Variants in BAALC observed in about 807,000 individuals in gnomAD.
BAALC encodes BAALC binder of MAP3K1 and KLF4, also known as brain and acute leukemia cytoplasmic protein.
Under a neutral mutation model 15.5 loss-of-function variants are expected in BAALC, and 9 were observed. The observed-to-expected ratio is 0.58, with a 90% CI of 0.35 to 1.02. BAALC has a LOEUF of 1.02. Ranked by LOEUF, BAALC falls within the 50% of genes least tolerant of loss-of-function variation. The pLI is 0.02. For missense variants in BAALC, 201 were observed against 192.4 expected (o/e 1.04, Z -0.27); for synonymous variants, 80 against 74.6 (o/e 1.07, Z -0.37).
chr8:103,160,372 C>T (rs1289825626), intron 1 of BAALC, among the ~76,000 whole-genome samples: 1 of 152,074 alleles, frequency 6.6e-6, no homozygotes, highest in Non-Finnish European at 1.5e-5. Context: ...AGTCATTTAC[C>T]ACCTATGCCC....
At position 103,193,011 on chromosome 8, in the gene BAALC, G is replaced by C. The variant is rs555964048; in HGVS notation, c.161-19908G>C. Among the ~76,000 whole-genome samples, 7 of 152,312 alleles carry C rather than the reference G, an allele frequency of 4.6e-5. No homozygotes were observed. In the East Asian group the frequency reaches 1.3e-3, roughly 29 times the overall value. ...CTAGCACATCAGAGAGGTGCAGTGA[G>C]TATTTGGTGTAGAACTCCACGATCT... On this transcript the variant is annotated intron_variant, in intron 1 of 2. Coordinates refer to ENST00000309982, the MANE Select transcript of BAALC (RefSeq NM_024812.3).
chr8:103,214,517 T>G (rs1394982029), intron 2 of BAALC, among the ~76,000 whole-genome samples: 2 of 152,238 alleles, frequency 1.3e-5, no homozygotes, highest in Admixed American at 1.3e-4. Flanking sequence ...CCACCTGTTT[T>G]CTGAGAGTAC....
intron 2 of BAALC, among the ~76,000 whole-genome samples, chr8:103,218,919 G>T (rs2130082750): frequency 6.6e-6 from 1 of 152,270 alleles, no homozygotes; most frequent in Non-Finnish European, 1.5e-5. Context: ...ACCAGCCCAG[G>T]ATTTCTCCTG....
chr8:103,227,451 C>T (rs1261445318), intron 2 of BAALC, among the ~76,000 whole-genome samples: 1 of 152,152 alleles, frequency 6.6e-6, no homozygotes, highest in African/African-American at 2.4e-5. Flanking sequence ...AGATCTTTAC[C>T]CTAAAACAGA....
intron 1 of BAALC, among the ~76,000 whole-genome samples, chr8:103,201,290 A>G (rs1231767339): frequency 1.3e-5 from 2 of 152,176 alleles, no homozygotes; most frequent in Non-Finnish European, 2.9e-5. Context: ...GAGGGGCATT[A>G]TGATTCTGAG....
At chr8:103,180,542 G>A (rs1375022259) in intron 1 of BAALC, among the ~76,000 whole-genome samples, 2 of 152,208 alleles carry the variant, frequency 1.3e-5, no homozygotes, top group Non-Finnish European at 2.9e-5. Context: ...TTACAGGAAG[G>A]AGGCTTCCAA....
chr8:103,193,002 G>C (rs1233614649), intron 1 of BAALC, among the ~76,000 whole-genome samples: 1 of 152,144 alleles, frequency 6.6e-6, no homozygotes, highest in Non-Finnish European at 1.5e-5. Context: ...CATCAGAGAG[G>C]TGCAGTGAGT....
At chr8:103,159,815 C>T (rs1811181584) in intron 1 of BAALC, among the ~76,000 whole-genome samples, 1 of 151,922 alleles carries the variant, frequency 6.6e-6, no homozygotes, top group South Asian at 2.1e-4. Context: ...TTGGAATTAC[C>T]GATTTCTCTA....
At chr8:103,181,132 C>T (rs932123801) in intron 1 of BAALC, among the ~76,000 whole-genome samples, 4 of 152,210 alleles carry the variant, frequency 2.6e-5, no homozygotes, top group East Asian at 1.9e-4. Context: ...TATCCCACAA[C>T]GGTTCCTTCC....
chr8:103,180,840 T>G (rs1811710460), intron 1 of BAALC, among the ~76,000 whole-genome samples: 1 of 152,204 alleles, frequency 6.6e-6, no homozygotes, highest in Non-Finnish European at 1.5e-5. Flanking sequence ...CTGCCCAACT[T>G]CTTGAATTCA....
At chr8:103,204,446 A>G (rs1165230325) in intron 1 of BAALC, among the ~76,000 whole-genome samples, 1 of 152,040 alleles carries the variant, frequency 6.6e-6, no homozygotes, top group African/African-American at 2.4e-5. Context: ...TCTATTTTTC[A>G]TTGTTGTTGC....
intron 1 of BAALC, among the ~76,000 whole-genome samples, chr8:103,198,771 T>C (rs1316435070): frequency 2.7e-5 from 4 of 149,256 alleles, no homozygotes; most frequent in African/African-American, 7.4e-5. Flanking sequence ...AATTGCCAGG[T>C]GTGGTGGTGC....
chr8:103,180,957 G>GA (rs1811713576), intron 1 of BAALC, among the ~76,000 whole-genome samples: 1 of 152,154 alleles, frequency 6.6e-6, no homozygotes, highest in African/African-American at 2.4e-5. Context: ...TAGCATCCCT[G>GA]AAAACACAGC....
At chr8:103,161,215 C>G (rs1033793014) in intron 1 of BAALC, among the ~76,000 whole-genome samples, 3 of 152,070 alleles carry the variant, frequency 2.0e-5, no homozygotes, top group Non-Finnish European at 4.4e-5. Flanking sequence ...TTCATTATCT[C>G]TGCCCCCTTT....
At chr8:103,189,655 A>G (rs1811921907) in intron 1 of BAALC, among the ~76,000 whole-genome samples, 1 of 152,238 alleles carries the variant, frequency 6.6e-6, no homozygotes. Flanking sequence ...GGAGGGAGGA[A>G]GAGCATTCCA....
chr8:103,170,371 T>C (rs1425113702), intron 1 of BAALC, among the ~76,000 whole-genome samples: 1 of 152,114 alleles, frequency 6.6e-6, no homozygotes, highest in Non-Finnish European at 1.5e-5. Context: ...TCCCAGTACA[T>C]GTGAGTGTGG....
At chr8:103,218,734 C>G (rs564995041) in intron 2 of BAALC, among the ~76,000 whole-genome samples, 1 of 152,086 alleles carries the variant, frequency 6.6e-6, no homozygotes, top group African/African-American at 2.4e-5. Flanking sequence ...GTGACTGGAC[C>G]GTGCTAAAGG....
At chr8:103,146,279 C>A (rs1467177955) in intron 1 of BAALC, among the ~76,000 whole-genome samples, 6 of 152,180 alleles carry the variant, frequency 3.9e-5, no homozygotes, top group Non-Finnish European at 7.3e-5. Context: ...AACCCTCCCA[C>A]CCTGGAGAGG....
chr8:103,209,896 C>A lies in BAALC; in HGVS notation c.161-3023C>A, dbSNP rs375847844. Among the ~76,000 whole-genome samples the A allele has an allele frequency of 8.1e-4, 123 of 152,272 alleles. No homozygotes were observed. The South Asian group carries it at 0.015, about 19-fold the overall frequency. ...AGCAGACAGTAACAACAGTTTGGTC[C>A]CTGGAGGACACTGAGTAGCACTATT... is the stretch of plus-strand genomic sequence containing the variant. On this transcript the variant is annotated intron_variant, in intron 1 of 2. Coordinates refer to ENST00000309982, the MANE Select transcript of BAALC (RefSeq NM_024812.3).
Sources: gnomAD v4.1 joint callset for allele counts (sites outside exome capture counted in the v4.1 genomes callset) on GRCh38, gnomAD v4.1.1 for gene constraint, MANE v1.5 for transcripts, NCBI Gene and HGNC (gene_info 2026-07-23, HGNC 2026-07-21) for gene names.